The following CASP10 variants were observed in gnomAD, a reference collection of about 807,000 sequenced individuals.
CASP10 encodes caspase-10.
CASP10 carries 41 observed loss-of-function variants against 48.5 expected under a neutral mutation model. The ratio of observed to expected loss-of-function variants is 0.85; its 90% confidence interval spans 0.66 to 1.10. The LOEUF (loss-of-function observed/expected upper bound fraction) is 1.10, where lower values mean the gene tolerates loss of function less well. Among genes scored for constraint, CASP10 ranks in the 50% least tolerant of loss-of-function variants. The pLI, the probability that CASP10 is intolerant of heterozygous loss-of-function variation, is 0.00. For synonymous variants in CASP10, 232 were observed against 238.4 expected, an observed-to-expected ratio of 0.97 and a Z score of 0.25; for missense variants, 614 against 614.5, an observed-to-expected ratio of 1.00 and a Z score of 0.01.
downstream of CASP10, among the ~76,000 whole-genome samples, chr2:201,225,197 C>T (rs1400640421): frequency 6.6e-6 from 1 of 152,168 alleles, no homozygotes; most frequent in Non-Finnish European, 1.5e-5. Context: ...CCGATGTCAG[C>T]ACCGCCCCTC....
chr2:201,192,579 G>A (rs1255795243), intron 3 of CASP10, among the ~76,000 whole-genome samples: 1 of 152,010 alleles, frequency 6.6e-6, no homozygotes. Context: ...AGAGTTCAGT[G>A]GTTAATAACA....
chr2:201,192,770 T>TTA (rs1361591340), intron 3 of CASP10, among the ~76,000 whole-genome samples: 1 of 152,142 alleles, frequency 6.6e-6, no homozygotes, highest in Non-Finnish European at 1.5e-5. Context: ...TTGCATAGAG[T>TTA]TATATATATA....
chr2:201,197,614 C>G (rs1358608127), intron 5 of CASP10, among the ~76,000 whole-genome samples: 1 of 152,032 alleles, frequency 6.6e-6, no homozygotes, highest in Admixed American at 6.6e-5. Flanking sequence ...GACCCTGTCT[C>G]AAAAAACGAT....
chr2:201,203,457 C>A (rs989578631), intron 5 of CASP10, among the ~76,000 whole-genome samples: 7 of 152,252 alleles, frequency 4.6e-5, no homozygotes, highest in Middle Eastern at 6.8e-3. Context: ...CTGGCATGCG[C>A]TACCACACCC....
chr2:201,197,757 T>C (rs570594748), intron 5 of CASP10, among the ~76,000 whole-genome samples: 1 of 152,242 alleles, frequency 6.6e-6, no homozygotes, highest in East Asian at 1.9e-4. Flanking sequence ...CACTCATCCA[T>C]TGATGGACTC....
chr2:201,209,041 C>CTCTT, intron 8 of CASP10, 29 bp from the exon 9 acceptor site: 3 of 1,322,570 alleles, frequency 2.3e-6, no homozygotes, highest in Non-Finnish European at 3.1e-6. Flanking sequence ...CTCTCTCTCT[C>CTCTT]TTTTTTTTTT....
At chr2:201,222,563 A>G (rs971989726), downstream of CASP10, among the ~76,000 whole-genome samples, 1 of 152,238 alleles carries the variant, frequency 6.6e-6, no homozygotes, top group African/African-American at 2.4e-5. Flanking sequence ...AGACATGAAG[A>G]CATTTGATAA....
At chr2:201,193,493 C>A in intron 4 of CASP10, 1 of 296,824 alleles carries the variant, frequency 3.4e-6, no homozygotes, top group East Asian at 8.5e-5. Context: ...TAGGTGTAAG[C>A]CACCATGCCT....
In CASP10 at chr2:201,218,739, A is replaced by C. The variant is rs879147002; in HGVS notation, c.*998A>C. ...CCCTCTGCATGCCCTTAAACATTGG[A>C]CAGTGAGGTCACAGTCCACCCACCC... On this transcript the variant is annotated 3_prime_UTR_variant, in exon 10 of 10. Coordinates refer to ENST00000286186, the MANE Select transcript of CASP10 (RefSeq NM_032977.4). 8 of 985,332 alleles carry C rather than the reference A, an allele frequency of 8.1e-6. No homozygotes were observed. In the Admixed American group the frequency reaches 4.9e-4, roughly 61 times the overall value. The allele number at this position is 985,332 out of a possible 1,614,324, so 61.0% of individuals were successfully genotyped here. A position where few individuals can be genotyped will look rare whatever the true frequency, so the allele number is the denominator to read the frequency against.
At chr2:201,203,635 G>C in intron 5 of CASP10, 95 bp from the exon 6 acceptor site, 1 of 1,096,446 alleles carries the variant, frequency 9.1e-7, no homozygotes, top group South Asian at 1.2e-5. Flanking sequence ...CTGTGGATTA[G>C]ATATCTGTCC....
In CASP10 at chr2:201,205,941, G is replaced by T; in HGVS notation, c.781G>T (p.Ala261Ser). ...LVSRGMQGAS[A>S]NTLNSETSTK... The stretch of plus-strand genomic sequence containing the variant: ...CTCCAGGGGGATGCAAGGAGCATCT[G>T]CTAACACTCTAAACTCTGAAACCAG... Residue 261 changes from alanine (A) to serine (S), a missense_variant, in exon 7 of 10, where the codon GCT becomes TCT. Coordinates refer to ENST00000286186, the MANE Select transcript of CASP10 (RefSeq NM_032977.4). 2 of 1,613,162 alleles carry T rather than the reference G, an allele frequency of 1.2e-6. No individual in the cohort carries two copies. Among genetic ancestry groups the T allele is most frequent in the South Asian group, 2.2e-5 (2 of 91,054 alleles).
At chr2:201,200,965 G>A (rs1944997295) in intron 5 of CASP10, among the ~76,000 whole-genome samples, 1 of 152,014 alleles carries the variant, frequency 6.6e-6, no homozygotes, top group African/African-American at 2.4e-5. Flanking sequence ...ACATTTATGG[G>A]CCAACTCCCT....
At position 201,208,921 on chromosome 2, in the gene CASP10, G is replaced by T. The variant is rs192659943; in HGVS notation, c.923-149G>T. 313 of 793,890 alleles carry T rather than the reference G, an allele frequency of 3.9e-4. 1 individual carries two copies. In the African/African-American group the frequency reaches 4.8e-3, roughly 12 times the overall value. 49.2% of individuals were successfully genotyped at this position (793,890 alleles called of 1,614,324 possible). Reference sequence around the variant, plus strand: ...TCAAACTCCTGACCTCAAGTGATCCGCCTGCTTCGGCCTTCCAAAGTGCTG... The same window carrying T: ...TCAAACTCCTGACCTCAAGTGATCCTCCTGCTTCGGCCTTCCAAAGTGCTG... On this transcript the variant is annotated intron_variant, in intron 8 of 9. Transcript: ENST00000286186.
chr2:201,202,716 A>G (rs1046091337), intron 5 of CASP10, among the ~76,000 whole-genome samples: 2 of 152,118 alleles, frequency 1.3e-5, no homozygotes, highest in African/African-American at 4.8e-5. Context: ...GAGCTGGGGG[A>G]ACAGCTCTTC....
rs769367739 is a variant in CASP10, at chr2:201,209,427, A to G, written c.1280A>G (p.Gln427Arg). Residue 427 changes from glutamine (Q) to arginine (R), a missense_variant, in exon 9 of 10, where the codon CAG (glutamine) becomes CGG (arginine). Gln to Arg is a conservative substitution (Grantham distance 43, BLOSUM62 1). Coordinates refer to ENST00000286186, the MANE Select transcript of CASP10 (RefSeq NM_032977.4). ...CCTGAGCAGGCACCCACTTCCCTGC[A>G]GGACAGTATTCCTGCCGAGGCTGAC... ...LNPEQAPTSL[Q>R]DSIPAEADFL... The G allele has an allele frequency of 3.1e-6, 5 of 1,614,066 alleles. No homozygotes were observed. Among genetic ancestry groups the G allele is most frequent in the East Asian group, 2.2e-5 (1 of 44,894 alleles).
intron 5 of CASP10, among the ~76,000 whole-genome samples, chr2:201,202,016 A>G (rs1576108552): frequency 2.0e-5 from 3 of 152,086 alleles, no homozygotes; most frequent in Admixed American, 1.3e-4. Context: ...GCACCCAGCA[A>G]ATTTTTTGTA....
At position 201,218,734 on chromosome 2, in the gene CASP10, A is replaced by G; in HGVS notation, c.*993A>G. 2.0e-6 allele frequency: 2 copies of G among 985,408 alleles called. No individual in the cohort carries two copies. The highest frequency in any genetic ancestry group is 4.7e-5 in the South Asian group (1 of 21,282). The allele number at this position is 985,408 out of a possible 1,614,324, so 61.0% of individuals were successfully genotyped here. On this transcript the variant is annotated 3_prime_UTR_variant, in exon 10 of 10. Transcript: ENST00000286186. ...GTGTCCCCTCTGCATGCCCTTAAACATTGGACAGTGAGGTCACAGTCCACC... is the reference window on the plus strand; with the variant it reads ...GTGTCCCCTCTGCATGCCCTTAAACGTTGGACAGTGAGGTCACAGTCCACC...
chr2:201,196,782 A>T (rs1048353429), intron 5 of CASP10, among the ~76,000 whole-genome samples: 1 of 152,228 alleles, frequency 6.6e-6, no homozygotes, highest in Non-Finnish European at 1.5e-5. Flanking sequence ...CATCTCCAGA[A>T]CTTTTTCATC....
chr2:201,208,317 T>C (rs1288719806), intron 8 of CASP10, 134 bp downstream of exon 8: 3 of 1,423,990 alleles, frequency 2.1e-6, no homozygotes, highest in Non-Finnish European at 2.8e-6. Context: ...GAGCCTCTTA[T>C]ATATCCCTGG....
Sources: allele counts gnomAD v4.1 joint callset (sites outside exome capture counted in the v4.1 genomes callset), GRCh38; gene constraint gnomAD v4.1.1; transcripts MANE v1.5; gene names NCBI Gene and HGNC (gene_info 2026-07-23, HGNC 2026-07-21).